PTPRD: variants seen among roughly 807,000 people sequenced by gnomAD.
PTPRD encodes receptor-type tyrosine-protein phosphatase delta.
Under a neutral mutation model 214.5 loss-of-function variants are expected in PTPRD, and 34 were observed. The ratio of observed to expected loss-of-function variants is 0.16; its 90% confidence interval spans 0.12 to 0.21. PTPRD has a LOEUF of 0.21. Ranked by LOEUF, PTPRD falls within the 10% of genes least tolerant of loss-of-function variation. PTPRD has a pLI of 1.00. For missense variants in PTPRD, 2,545 were observed against 2,398.7 expected (o/e 1.06, Z -1.27); for synonymous variants, 1,128 against 845.7 (o/e 1.33, Z -5.79).
intron 6 of PTPRD, among the ~76,000 whole-genome samples, chr9:9,736,433 C>T (rs12238194): frequency 6.6e-6 from 1 of 152,048 alleles, no homozygotes; most frequent in East Asian, 1.9e-4. Flanking sequence ...ATTCAATCCA[C>T]TATTGGCAGA....
chr9:10,570,296 A>T (rs1258116255), intron 2 of PTPRD, among the ~76,000 whole-genome samples: 1 of 152,150 alleles, frequency 6.6e-6, no homozygotes, highest in Admixed American at 6.6e-5. Flanking sequence ...ACTCATTAAG[A>T]AGTCCAAAGG....
intron 7 of PTPRD, among the ~76,000 whole-genome samples, chr9:9,634,160 T>C (rs959854973): frequency 6.6e-6 from 1 of 152,160 alleles, no homozygotes; most frequent in African/African-American, 2.4e-5. Context: ...AAAGGGATGA[T>C]GCTCCTTACC....
At chr9:9,176,902 G>T (rs892154968) in intron 10 of PTPRD, among the ~76,000 whole-genome samples, 1 of 152,070 alleles carries the variant, frequency 6.6e-6, no homozygotes, top group African/African-American at 2.4e-5. Flanking sequence ...AACAGATAAA[G>T]ACATTAATGG....
intron 12 of PTPRD, among the ~76,000 whole-genome samples, chr9:8,649,914 T>C (rs1187072474): frequency 6.6e-6 from 1 of 152,138 alleles, no homozygotes; most frequent in Non-Finnish European, 1.5e-5. Context: ...ATTTTTTTAA[T>C]GTTTTAATTT....
At chr9:9,729,780 TATTAGTAAATTCATGAGAGTATG>T (rs1256319235) in intron 7 of PTPRD, among the ~76,000 whole-genome samples, 3 of 152,030 alleles carry the variant, frequency 2.0e-5, no homozygotes, top group African/African-American at 7.2e-5. Flanking sequence ...AGAACGAACA[TATTAGTAAATTCATGAGAGTATG>T]ATTCCTTCCT....
At chr9:9,382,662 A>G (rs1360609828) in intron 9 of PTPRD, among the ~76,000 whole-genome samples, 1 of 152,146 alleles carries the variant, frequency 6.6e-6, no homozygotes, top group African/African-American at 2.4e-5. Context: ...ATAAGTGTCC[A>G]TGAGGGGACA....
chr9:8,933,339 G>GTTTTTTTTTTTTTT (rs1567089304), intron 11 of PTPRD, among the ~76,000 whole-genome samples: 5 of 68,790 alleles, frequency 7.3e-5, no homozygotes, highest in East Asian at 5.9e-4. Flanking sequence ...ACAACCTTGA[G>GTTTTTTTTTTTTTT]GTTTTTTTTT....
At chr9:8,826,244 C>T (rs1689231614) in intron 11 of PTPRD, among the ~76,000 whole-genome samples, 11 of 151,228 alleles carry the variant, frequency 7.3e-5, no homozygotes, top group Admixed American at 7.2e-4. Context: ...AAATGGCCTT[C>T]CTATTTCTAC....
At chr9:9,385,489 G>A (rs184541086) in intron 9 of PTPRD, among the ~76,000 whole-genome samples, 1 of 152,230 alleles carries the variant, frequency 6.6e-6, no homozygotes, top group Admixed American at 6.5e-5. Flanking sequence ...GTAATCACAG[G>A]AAACCAATCC....
At chr9:9,765,650 TA>T (rs2098700624) in intron 6 of PTPRD, among the ~76,000 whole-genome samples, 1 of 152,144 alleles carries the variant, frequency 6.6e-6, no homozygotes, top group Admixed American at 6.5e-5. Flanking sequence ...GAAGCTTACG[TA>T]AATTCTTTTA....
intron 12 of PTPRD, among the ~76,000 whole-genome samples, chr9:8,730,721 A>G (rs146813407): frequency 1.2e-3 from 187 of 152,362 alleles, no homozygotes; most frequent in African/African-American, 4.4e-3. Flanking sequence ...CCTGAGGATT[A>G]CATTACTATA....
intron 14 of PTPRD, among the ~76,000 whole-genome samples, chr9:8,603,351 T>C (rs1383037229): frequency 3.3e-5 from 5 of 152,218 alleles, no homozygotes; most frequent in Admixed American, 3.3e-4. Flanking sequence ...TATTATATTG[T>C]ACTTAGACAA....
chr9:10,596,075 A>G (rs2076566237), intron 2 of PTPRD, among the ~76,000 whole-genome samples: 1 of 151,728 alleles, frequency 6.6e-6, no homozygotes, highest in South Asian at 2.1e-4. Context: ...TTATACCTAC[A>G]TTTGCTGTCT....
At chr9:8,775,078 C>CT (rs2095415765) in intron 11 of PTPRD, among the ~76,000 whole-genome samples, 1 of 152,032 alleles carries the variant, frequency 6.6e-6, no homozygotes, top group South Asian at 2.1e-4. Flanking sequence ...CCAGTGATGC[C>CT]TTAAGTGATG....
chr9:10,511,569 ATT>A (rs66768632), intron 2 of PTPRD, among the ~76,000 whole-genome samples: 4,108 of 127,834 alleles, frequency 0.032, 174 homozygotes, highest in African/African-American at 0.089. Flanking sequence ...ACACCCTGGT[ATT>A]TTTTTTTTTT....
rs117204323 is a variant in PTPRD at position 8,650,248 on chromosome 9, G to C, written c.65-13404C>G. ...CTTATTAATAAGAATGTGGATATGT[G>C]GACGGGCACGGTGGCTCACGCCTGT... On this transcript the variant is annotated intron_variant, in intron 12 of 45. Coordinates refer to ENST00000381196, the MANE Select transcript of PTPRD (RefSeq NM_002839.4). Among the ~76,000 whole-genome samples, 252 of 152,042 alleles carry C rather than the reference G, an allele frequency of 1.7e-3. No individual in the cohort carries two copies. The East Asian group carries it at 0.017, about 10-fold the overall frequency.
chr9:10,278,351 C>T (rs567534162), intron 3 of PTPRD, among the ~76,000 whole-genome samples: 2 of 152,272 alleles, frequency 1.3e-5, no homozygotes, highest in East Asian at 1.9e-4. Flanking sequence ...CAGGCTTCCA[C>T]AGCTTTCTGG....
chr9:8,821,717 T>C (rs1332664818), intron 11 of PTPRD, among the ~76,000 whole-genome samples: 1 of 152,160 alleles, frequency 6.6e-6, no homozygotes, highest in Non-Finnish European at 1.5e-5. Flanking sequence ...CCAGGCTGGA[T>C]TGCAGTGGCA....
intron 11 of PTPRD, among the ~76,000 whole-genome samples, chr9:8,858,804 CACACACACACACACACACACACACAT>C (rs1302153580): frequency 1.5e-5 from 2 of 135,068 alleles, no homozygotes; most frequent in African/African-American, 6.8e-5. Flanking sequence ...GCAACACACA[CACACACACACACACACACACACACAT>C]ACACACACAC....
Sources: gnomAD v4.1 joint callset for allele counts (sites outside exome capture counted in the v4.1 genomes callset) on GRCh38, gnomAD v4.1.1 for gene constraint, MANE v1.5 for transcripts, NCBI Gene and HGNC (gene_info 2026-07-23, HGNC 2026-07-21) for gene names.